SEC14L5: variants seen among roughly 807,000 people sequenced by gnomAD.
SEC14L5 encodes SEC14-like protein 5.
SEC14L5 carries 96 observed loss-of-function variants against 84.6 expected under a neutral mutation model. That is an observed-to-expected ratio of 1.13 (90% CI 0.96 to 1.34). The LOEUF (loss-of-function observed/expected upper bound fraction) is 1.34. SEC14L5 is among the 40% of genes most tolerant of loss of function. The pLI is 0.00. For missense variants in SEC14L5, 1,224 were observed against 942.5 expected (o/e 1.30, Z -3.91); for synonymous variants, 546 against 383.4 (o/e 1.42, Z -4.95).
intron 11 of SEC14L5, 51 bp downstream of exon 11, chr16:5,003,624 G>GGGGGGGGGCCC: frequency 6.6e-6 from 2 of 305,310 alleles, no homozygotes; most frequent in Non-Finnish European, 1.3e-5. Flanking sequence ...GGTGGGATGG[G>GGGGGGGGGCCC]AGGGGTTCCG....
intron 10 of SEC14L5, 76 bp from the exon 11 acceptor site, chr16:5,003,326 C>A: frequency 8.6e-7 from 1 of 1,167,934 alleles, no homozygotes; most frequent in Non-Finnish European, 1.3e-6. Context: ...CCTCCCTGTT[C>A]ATCCCCTGTG....
intron 15 of SEC14L5, among the ~76,000 whole-genome samples, chr16:5,014,303 C>T (rs967162997): frequency 7.9e-5 from 12 of 152,202 alleles, no homozygotes; most frequent in Non-Finnish European, 1.5e-4. Flanking sequence ...AATCCAAGTG[C>T]TTTGGGAGGC....
intron 2 of SEC14L5, among the ~76,000 whole-genome samples, chr16:4,962,033 C>T (rs983728403): frequency 5.3e-5 from 8 of 151,794 alleles, no homozygotes; most frequent in South Asian, 4.2e-4. Flanking sequence ...CCTTATGAGG[C>T]GCATATAGGC....
At chr16:5,001,173 T>A (rs902149843) in intron 10 of SEC14L5, among the ~76,000 whole-genome samples, 2 of 152,100 alleles carry the variant, frequency 1.3e-5, no homozygotes, top group African/African-American at 4.8e-5. Context: ...AGAGCTGGAT[T>A]TGAACCTGGG....
chr16:4,964,384 C>G (rs1350714804), intron 2 of SEC14L5, among the ~76,000 whole-genome samples: 1 of 152,072 alleles, frequency 6.6e-6, no homozygotes, highest in East Asian at 1.9e-4. Flanking sequence ...GTTTGGAGAT[C>G]AAGACCATCC....
At chr16:4,967,615 C>G (rs1438026158) in intron 2 of SEC14L5, among the ~76,000 whole-genome samples, 1 of 127,804 alleles carries the variant, frequency 7.8e-6, no homozygotes, top group Admixed American at 9.5e-5. Context: ...CTCTGTCGCC[C>G]AGACTAGAGT....
chr16:4,971,200 T>C (rs937632104), intron 2 of SEC14L5, among the ~76,000 whole-genome samples: 9 of 152,194 alleles, frequency 5.9e-5, no homozygotes, highest in Admixed American at 5.2e-4. Flanking sequence ...CTTACGCCTA[T>C]AATCGTAGCA....
intron 15 of SEC14L5, among the ~76,000 whole-genome samples, chr16:5,014,050 T>C (rs1955840251): frequency 6.6e-6 from 1 of 152,244 alleles, no homozygotes; most frequent in African/African-American, 2.4e-5. Flanking sequence ...TCCCAGACCA[T>C]GCTTTGAGTA....
chr16:5,005,875 A>C (rs998260063), intron 11 of SEC14L5, 39 bp from the exon 12 acceptor site: 10 of 1,501,932 alleles, frequency 6.7e-6, no homozygotes, highest in South Asian at 6.6e-5. Flanking sequence ...AAAAAAAAAA[A>C]AAAAAAACCA....
chr16:4,990,642 G>A, intron 4 of SEC14L5, 125 bp from the exon 5 acceptor site: 2 of 911,984 alleles, frequency 2.2e-6, no homozygotes, highest in Non-Finnish European at 1.6e-6. Flanking sequence ...CCCATCCAGG[G>A]TTGCCAGGCT....
At chr16:4,998,058 C>T (rs887222593) in intron 8 of SEC14L5, among the ~76,000 whole-genome samples, 3 of 142,596 alleles carry the variant, frequency 2.1e-5, no homozygotes, top group Non-Finnish European at 3.0e-5. Flanking sequence ...GGCTGGAGTG[C>T]AATGGTGTGA....
At chr16:5,010,762 C>T in intron 14 of SEC14L5, 1 of 295,760 alleles carries the variant, frequency 3.4e-6, no homozygotes, top group Non-Finnish European at 6.4e-6. Context: ...CTTTCCTAAT[C>T]CCCTTGGTTT....
At position 5,018,928 on chromosome 16, in the gene SEC14L5, G is replaced by A. The variant is rs903170844; in HGVS notation, c.*3958G>A. The A allele has an allele frequency of 3.3e-5, 5 of 152,150 alleles. No homozygotes were observed. Among genetic ancestry groups the A allele is most frequent in the Non-Finnish European group, 7.3e-5 (5 of 68,036 alleles). The allele number at this position is 152,150 out of a possible 1,614,324, so 9.4% of individuals were successfully genotyped here. A position where few individuals can be genotyped will look rare whatever the true frequency, so the allele number is the denominator to read the frequency against. ...ACACGATGGGTTTTTTTGTTTGCCT[G>A]ATCACTTGCTCCAACCAGCAGCATT... On this transcript the variant is annotated 3_prime_UTR_variant, in exon 16 of 16. Coordinates refer to ENST00000251170, the MANE Select transcript of SEC14L5 (RefSeq NM_014692.2).
At chr16:4,971,101 A>T (rs1425656539) in intron 2 of SEC14L5, among the ~76,000 whole-genome samples, 1 of 149,762 alleles carries the variant, frequency 6.7e-6, no homozygotes, top group African/African-American at 2.5e-5. Context: ...CAAAAAAAAA[A>T]AAAAAAAAGA....
chr16:5,018,270 C>T lies in SEC14L5; in HGVS notation c.*3300C>T, dbSNP rs745834503. The T allele has an allele frequency of 2.6e-5, 4 of 152,226 alleles. No homozygotes were observed. The highest frequency in any genetic ancestry group is 5.9e-5 in the Non-Finnish European group (4 of 68,036). 9.4% of individuals were successfully genotyped at this position (152,226 alleles called of 1,614,324 possible). On this transcript the variant is annotated 3_prime_UTR_variant, in exon 16 of 16. Transcript: ENST00000251170. Reference sequence around the variant, plus strand: ...TTCGCATCCAAAGACTCGTTTTCTTCCTGAGGTCGCCTATCCCTGTTTTTC... The same window carrying T: ...TTCGCATCCAAAGACTCGTTTTCTTTCTGAGGTCGCCTATCCCTGTTTTTC...
At chr16:4,974,669 C>G (rs1955320038) in intron 2 of SEC14L5, among the ~76,000 whole-genome samples, 1 of 152,000 alleles carries the variant, frequency 6.6e-6, no homozygotes, top group African/African-American at 2.4e-5. Context: ...ACCTGTCACA[C>G]AAGCAGTGTA....
In SEC14L5 at chr16:5,016,323, C is replaced by T. The variant is rs975671371; in HGVS notation, c.*1353C>T. 1 of 152,230 alleles carries T rather than the reference C, an allele frequency of 6.6e-6. No homozygotes were observed. The highest frequency in any genetic ancestry group is 1.5e-5 in the Non-Finnish European group (1 of 68,044). 9.4% of individuals were successfully genotyped at this position (152,230 alleles called of 1,614,324 possible). A position where few individuals can be genotyped will look rare whatever the true frequency, so the allele number is the denominator to read the frequency against. On this transcript the variant is annotated 3_prime_UTR_variant, in exon 16 of 16. Transcript: ENST00000251170. ...AAGGCAGCCAGTCAGGGGTCACCAACTTGAAGCCTGATCTGGCCTGCTTTT... is the reference window on the plus strand; with the variant it reads ...AAGGCAGCCAGTCAGGGGTCACCAATTTGAAGCCTGATCTGGCCTGCTTTT...
intron 2 of SEC14L5, among the ~76,000 whole-genome samples, chr16:4,986,939 G>C (rs1424838344): frequency 2.0e-5 from 3 of 152,148 alleles, no homozygotes; most frequent in Non-Finnish European, 4.4e-5. Context: ...GTGTGTGGAT[G>C]CTTTAGGATT....
At position 5,016,835 on chromosome 16, in the gene SEC14L5, G is replaced by C. The variant is rs1387160105; in HGVS notation, c.*1865G>C. 6.6e-6 allele frequency: 1 copy of C among 152,202 alleles called. No individual in the cohort carries two copies. The allele number at this position is 152,202 out of a possible 1,614,324, so 9.4% of individuals were successfully genotyped here. A position where few individuals can be genotyped will look rare whatever the true frequency, so the allele number is the denominator to read the frequency against. On this transcript the variant is annotated 3_prime_UTR_variant, in exon 16 of 16. Coordinates refer to ENST00000251170, the MANE Select transcript of SEC14L5 (RefSeq NM_014692.2). ...GGGAGAGAGCCTTGCCCACCTTCCT[G>C]TTGGCTCTCTGTCCGCTTCTCAGGT...
Sources: gnomAD v4.1 joint callset for allele counts (sites outside exome capture counted in the v4.1 genomes callset) on GRCh38, gnomAD v4.1.1 for gene constraint, MANE v1.5 for transcripts, NCBI Gene and HGNC (gene_info 2026-07-23, HGNC 2026-07-21) for gene names.